Variants in TRAF3 observed in about 807,000 individuals in gnomAD.
TRAF3 encodes TNF receptor associated factor 3, also known as TNF receptor-associated factor 3.
In TRAF3, 13 loss-of-function variants were observed where a neutral mutation model predicts 62.3. The observed-to-expected ratio is 0.21, with a 90% CI of 0.14 to 0.33. The LOEUF (loss-of-function observed/expected upper bound fraction) is 0.33, where lower values mean the gene tolerates loss of function less well. Among genes scored for constraint, TRAF3 ranks in the 10% least tolerant of loss-of-function variants. TRAF3 has a pLI of 1.00. For missense variants in TRAF3, 440 were observed against 741.8 expected, an observed-to-expected ratio of 0.59 and a Z score of 4.73; for synonymous variants, 269 against 283.4, an observed-to-expected ratio of 0.95 and a Z score of 0.51.
chr14:102,798,743 G>A (rs1304226810), intron 1 of TRAF3, among the ~76,000 whole-genome samples: 1 of 152,180 alleles, frequency 6.6e-6, no homozygotes, highest in Non-Finnish European at 1.5e-5. Context: ...CCAAATGGCC[G>A]GGATTATAGG....
At position 102,845,518 on chromosome 14, in the gene TRAF3, A is replaced by G. The variant is rs200388903; in HGVS notation, c.-18+15046A>G. Among the ~76,000 whole-genome samples, 59 of 135,902 alleles carry G rather than the reference A, an allele frequency of 4.3e-4. 1 individual carries two copies. The South Asian group carries it at 0.013, about 29-fold the overall frequency. 89.2% of individuals were successfully genotyped at this position (135,902 alleles called of 152,430 possible). On this transcript the variant is annotated intron_variant, in intron 2 of 11. Transcript: ENST00000392745. ...TGCCCAGCCTAAAAATAAAAAAAAA[A>G]TTTTTTTTTTTTTTCAAGACGGAGT...
At chr14:102,878,500 T>C (rs1003197343) in intron 6 of TRAF3, among the ~76,000 whole-genome samples, 4 of 152,062 alleles carry the variant, frequency 2.6e-5, no homozygotes, top group African/African-American at 9.7e-5. Flanking sequence ...TAGAAAACAA[T>C]GCATTTGTTG....
In TRAF3 at chr14:102,905,886, AGACGGAGGAAGCGGCAGAAGGCG is replaced by A; in HGVS notation, c.*107_*129del. The A allele has an allele frequency of 9.0e-7, 1 of 1,114,626 alleles. No individual in the cohort carries two copies. The highest frequency in any genetic ancestry group is 1.3e-6 in the Non-Finnish European group (1 of 779,958). The allele number at this position is 1,114,626 out of a possible 1,614,324, so 69.0% of individuals were successfully genotyped here. On this transcript the variant is annotated 3_prime_UTR_variant, in exon 12 of 12. Transcript: ENST00000392745. Reference sequence around the variant, plus strand: ...CTCGCGCTCAGAAAAGGACCTTGTGAGACGGAGGAAGCGGCAGAAGGCGGACGCGTGCCGGCGGGAGGAGCCAC... The same window carrying A: ...CTCGCGCTCAGAAAAGGACCTTGTGAGACGCGTGCCGGCGGGAGGAGCCAC...
At chr14:102,848,705 A>G (rs2139716491) in intron 2 of TRAF3, among the ~76,000 whole-genome samples, 1 of 152,352 alleles carries the variant, frequency 6.6e-6, no homozygotes, top group East Asian at 1.9e-4. Flanking sequence ...AATCAATAGA[A>G]TACTTTTCCC....
chr14:102,871,331 C>G (rs1347410631), intron 3 of TRAF3, among the ~76,000 whole-genome samples: 1 of 152,230 alleles, frequency 6.6e-6, no homozygotes, highest in Non-Finnish European at 1.5e-5. Context: ...GACACTTGAG[C>G]TTAGTGACAG....
chr14:102,863,487 G>A (rs534750659), intron 2 of TRAF3, among the ~76,000 whole-genome samples: 4 of 152,314 alleles, frequency 2.6e-5, no homozygotes, highest in South Asian at 2.1e-4. Flanking sequence ...TCAACACTCA[G>A]CCAGGCATTT....
chr14:102,846,675 A>G (rs1270930820), intron 2 of TRAF3, among the ~76,000 whole-genome samples: 1 of 142,330 alleles, frequency 7.0e-6, no homozygotes, highest in Admixed American at 7.2e-5. Context: ...AATTTTCCGG[A>G]CACGGTGGCA....
rs570327363 is a variant in TRAF3, at chr14:102,821,781, C to T, written c.-156-8553C>T. Among the ~76,000 whole-genome samples the T allele has an allele frequency of 9.2e-5, 14 of 152,296 alleles. No homozygotes were observed. In the South Asian group the frequency reaches 1.0e-3, roughly 11 times the overall value. On this transcript the variant is annotated intron_variant, in intron 1 of 11. Coordinates refer to ENST00000392745, the MANE Select transcript of TRAF3 (RefSeq NM_145725.3). The stretch of plus-strand genomic sequence containing the variant: ...TTTTGTGGCCGGGCACGGTGGCTCA[C>T]GCCTGTAATCCCAGCACTTTGGGAG...
chr14:102,882,364 T>C (rs1889117297), intron 6 of TRAF3, among the ~76,000 whole-genome samples: 1 of 152,184 alleles, frequency 6.6e-6, no homozygotes, highest in South Asian at 2.1e-4. Flanking sequence ...TTAAGGTGTG[T>C]GTCAGCTTCT....
chr14:102,829,029 G>T lies in TRAF3; in HGVS notation c.-156-1305G>T, dbSNP rs116875222. Among the ~76,000 whole-genome samples, 1,402 of 152,300 alleles carry T rather than the reference G, an allele frequency of 9.2e-3. 10 individuals carry two copies. The highest frequency in any genetic ancestry group is 0.015 in the Non-Finnish European group (1,007 of 68,032). On this transcript the variant is annotated intron_variant, in intron 1 of 11. Coordinates refer to ENST00000392745, the MANE Select transcript of TRAF3 (RefSeq NM_145725.3). ...AGCATTTTCAGATGTGTGGAGCTCT[G>T]TGTTTATCCGTGGGGTGAGCTGGGT...
intron 1 of TRAF3, among the ~76,000 whole-genome samples, chr14:102,799,510 G>A (rs1234822112): frequency 2.0e-5 from 3 of 152,098 alleles, no homozygotes; most frequent in African/African-American, 4.8e-5. Flanking sequence ...GAGTGCAATG[G>A]TGCGATCTCT....
At chr14:102,891,516 A>G in intron 9 of TRAF3, 99 bp downstream of exon 9, 1 of 1,284,250 alleles carries the variant, frequency 7.8e-7, no homozygotes, top group Non-Finnish European at 1.1e-6. Context: ...TTTTGGATAA[A>G]AGAAACTATC....
chr14:102,792,113 CT>C (rs35895214), intron 1 of TRAF3, among the ~76,000 whole-genome samples: 2,486 of 97,580 alleles, frequency 0.025, 632 homozygotes, highest in African/African-American at 0.097. Flanking sequence ...TGTGCCTGGA[CT>C]TTTTTTTTTT....
intron 1 of TRAF3, among the ~76,000 whole-genome samples, chr14:102,780,334 AAAAC>A (rs553196061): frequency 1.6e-3 from 238 of 152,234 alleles, no homozygotes; most frequent in African/African-American, 5.6e-3. Context: ...AAAGAAAAAA[AAAAC>A]CGAGAAAATG....
Position 102,908,945 on chromosome 14 carries a change from G to A in TRAF3, c.*3161G>A, listed in dbSNP as rs1034231670. The stretch of plus-strand genomic sequence containing the variant: ...CACGTGCAAGCCGCAGCCGGGCCTG[G>A]AAGCCTGACCCTCTGGTTCTAGGGC... On this transcript the variant is annotated 3_prime_UTR_variant, in exon 12 of 12. Coordinates refer to ENST00000392745, the MANE Select transcript of TRAF3 (RefSeq NM_145725.3). 2.0e-5 allele frequency: 3 copies of A among 152,346 alleles called. No individual in the cohort carries two copies. The highest frequency in any genetic ancestry group is 7.2e-5 in the African/African-American group (3 of 41,478). 9.4% of individuals were successfully genotyped at this position (152,346 alleles called of 1,614,324 possible).
intron 2 of TRAF3, 117 bp from the exon 3 acceptor site, chr14:102,870,068 T>C (rs1888243938): frequency 5.6e-6 from 7 of 1,244,556 alleles, no homozygotes; most frequent in Non-Finnish European, 8.2e-6. Context: ...TGGGAAGGAT[T>C]CTTGTGTTGC....
Position 102,905,785 on chromosome 14 carries a change from T to TA in TRAF3, c.*3dup. The TA allele has an allele frequency of 3.7e-6, 6 of 1,613,276 alleles. No homozygotes were observed. The highest frequency in any genetic ancestry group is 4.2e-6 in the Non-Finnish European group (5 of 1,179,608). ...TACTTCGGATCTGCCCGATCCCTGATAAGTAGCTGGGGAGGTGGATTTAGC... is the reference window on the plus strand; with the variant it reads ...TACTTCGGATCTGCCCGATCCCTGATAAAGTAGCTGGGGAGGTGGATTTAGC... On this transcript the variant is annotated 3_prime_UTR_variant, in exon 12 of 12. Coordinates refer to ENST00000392745, the MANE Select transcript of TRAF3 (RefSeq NM_145725.3).
At chr14:102,873,625 C>T (rs905063719) in intron 4 of TRAF3, among the ~76,000 whole-genome samples, 2 of 152,190 alleles carry the variant, frequency 1.3e-5, no homozygotes, top group African/African-American at 4.8e-5. Context: ...TGACCCGGAT[C>T]CTCACCCGTC....
intron 7 of TRAF3, among the ~76,000 whole-genome samples, chr14:102,888,651 G>T (rs890235515): frequency 6.6e-6 from 1 of 152,160 alleles, no homozygotes; most frequent in African/African-American, 2.4e-5. Flanking sequence ...AAAAGAGTCT[G>T]TTTTCTGTGA....
Sources: gnomAD v4.1 joint callset for allele counts (sites outside exome capture counted in the v4.1 genomes callset) on GRCh38, gnomAD v4.1.1 for gene constraint, MANE v1.5 for transcripts, NCBI Gene and HGNC (gene_info 2026-07-23, HGNC 2026-07-21) for gene names.